Variants in ASIC2 observed in about 807,000 individuals in gnomAD.
The protein encoded by ASIC2 is acid-sensing ion channel 2.
Under a neutral mutation model 57.3 loss-of-function variants are expected in ASIC2, and 25 were observed. The ratio of observed to expected loss-of-function variants is 0.44; its 90% CI spans 0.32 to 0.61. ASIC2 has a LOEUF of 0.61. Among genes scored for constraint, ASIC2 ranks in the 20% least tolerant of loss-of-function variants. The pLI is 0.06. For synonymous variants in ASIC2, 319 were observed against 307.5 expected (o/e 1.04, Z -0.39); for missense variants, 641 against 738.1 (o/e 0.87, Z 1.52).
At chr17:33,479,214 G>T (rs1913324038) in intron 1 of ASIC2, among the ~76,000 whole-genome samples, 1 of 152,074 alleles carries the variant, frequency 6.6e-6, no homozygotes, top group Non-Finnish European at 1.5e-5. Context: ...GGTCAGGCTG[G>T]TCTCAAACTC....
At chr17:33,311,773 G>C (rs1370412026) in intron 1 of ASIC2, among the ~76,000 whole-genome samples, 1 of 152,072 alleles carries the variant, frequency 6.6e-6, no homozygotes, top group African/African-American at 2.4e-5. Flanking sequence ...TCATCCCTAG[G>C]CTTCTTTCTT....
chr17:33,346,502 G>A (rs1463563517), intron 1 of ASIC2, among the ~76,000 whole-genome samples: 1 of 151,846 alleles, frequency 6.6e-6, no homozygotes, highest in Non-Finnish European at 1.5e-5. Context: ...AAATGCGTGG[G>A]TATGCACACC....
intron 1 of ASIC2, chr17:34,001,029 T>A (rs1182281534): frequency 2.0e-5 from 3 of 152,240 alleles, no homozygotes; most frequent in Non-Finnish European, 4.4e-5. Context: ...TCACTAAGCT[T>A]CTTTAAGAGG....
At chr17:33,050,918 C>T (rs2091972856) in intron 3 of ASIC2, among the ~76,000 whole-genome samples, 1 of 152,094 alleles carries the variant, frequency 6.6e-6, no homozygotes, top group African/African-American at 2.4e-5. Flanking sequence ...ATTGTTATCC[C>T]TGCTATGCAG....
intron 2 of ASIC2, among the ~76,000 whole-genome samples, chr17:33,091,493 C>T (rs188885073): frequency 2.2e-4 from 33 of 152,050 alleles, no homozygotes; most frequent in Non-Finnish European, 4.0e-4. Flanking sequence ...ATCTTACAGC[C>T]AGTAAGACAG....
chr17:34,058,440 G>A (rs1908851081), intron 1 of ASIC2, among the ~76,000 whole-genome samples: 1 of 152,158 alleles, frequency 6.6e-6, no homozygotes, highest in Non-Finnish European at 1.5e-5. Context: ...TATCTCTGGT[G>A]GTCCTCATTC....
At chr17:33,133,200 G>A (rs905053634) in intron 1 of ASIC2, among the ~76,000 whole-genome samples, 1 of 152,228 alleles carries the variant, frequency 6.6e-6, no homozygotes, top group Admixed American at 6.5e-5. Context: ...GATGGAGAAG[G>A]AGCATTTCAG....
chr17:33,299,122 G>C (rs889185420), intron 1 of ASIC2, among the ~76,000 whole-genome samples: 1 of 152,210 alleles, frequency 6.6e-6, no homozygotes, highest in African/African-American at 2.4e-5. Context: ...AAAAGAGCCT[G>C]CATCCCAAGT....
chr17:33,778,722 C>T (rs1281656649), intron 1 of ASIC2, among the ~76,000 whole-genome samples: 1 of 152,166 alleles, frequency 6.6e-6, no homozygotes, highest in Non-Finnish European at 1.5e-5. Context: ...GCCTCGACGT[C>T]CTCTCCAAGA....
intron 1 of ASIC2, among the ~76,000 whole-genome samples, chr17:33,267,137 C>G (rs1909493995): frequency 6.6e-6 from 1 of 152,092 alleles, no homozygotes; most frequent in Non-Finnish European, 1.5e-5. Flanking sequence ...CTGGTGACAT[C>G]CTGGCAGGCC....
At chr17:33,103,414 G>A (rs1392632289) in intron 2 of ASIC2, among the ~76,000 whole-genome samples, 5 of 152,180 alleles carry the variant, frequency 3.3e-5, no homozygotes, top group African/African-American at 1.2e-4. Context: ...TTGAACCCAA[G>A]CAGCCTGGCT....
At chr17:33,469,324 G>T (rs1912965625) in intron 1 of ASIC2, among the ~76,000 whole-genome samples, 1 of 152,172 alleles carries the variant, frequency 6.6e-6, no homozygotes, top group Non-Finnish European at 1.5e-5. Flanking sequence ...GCCAACCCAA[G>T]GGCAGAGACC....
At chr17:34,135,550 A>T (rs1912102537) in intron 1 of ASIC2, among the ~76,000 whole-genome samples, 1 of 152,040 alleles carries the variant, frequency 6.6e-6, no homozygotes, top group South Asian at 2.1e-4. Context: ...AGACATCTGT[A>T]TTTTTTTACA....
intron 1 of ASIC2, among the ~76,000 whole-genome samples, chr17:34,025,596 T>G (rs1190458865): frequency 1.3e-5 from 2 of 152,208 alleles, no homozygotes; most frequent in African/African-American, 2.4e-5. Flanking sequence ...AAAAATGTGG[T>G]TTTTTTGCAT....
At chr17:33,454,349 C>T (rs1362643088) in intron 1 of ASIC2, among the ~76,000 whole-genome samples, 1 of 152,140 alleles carries the variant, frequency 6.6e-6, no homozygotes, top group South Asian at 2.1e-4. Flanking sequence ...AGCAGTTACA[C>T]CAAGGACTCA....
At chr17:33,444,766 C>G (rs1320088298) in intron 1 of ASIC2, among the ~76,000 whole-genome samples, 2 of 152,182 alleles carry the variant, frequency 1.3e-5, no homozygotes, top group Non-Finnish European at 2.9e-5. Context: ...AAGCAGTGAT[C>G]ACAGCTCACC....
intron 1 of ASIC2, among the ~76,000 whole-genome samples, chr17:33,187,318 AC>A (rs1348789027): frequency 6.6e-6 from 1 of 152,206 alleles, no homozygotes; most frequent in African/African-American, 2.4e-5. Context: ...CCTCTCACCA[AC>A]CAGCTAATGC....
At chr17:33,818,032 T>C (rs1178510707) in intron 1 of ASIC2, among the ~76,000 whole-genome samples, 1 of 152,330 alleles carries the variant, frequency 6.6e-6, no homozygotes, top group South Asian at 2.1e-4. Flanking sequence ...TGATAGAAGC[T>C]GCATCTTTTA....
intron 1 of ASIC2, among the ~76,000 whole-genome samples, chr17:34,087,399 C>G (rs370938365): frequency 4.6e-5 from 7 of 151,956 alleles, no homozygotes; most frequent in African/African-American, 1.7e-4. Context: ...GAGTTTCTGC[C>G]GAGAGATCAG....
Sources: allele counts gnomAD v4.1 joint callset (sites outside exome capture counted in the v4.1 genomes callset), GRCh38; gene constraint gnomAD v4.1.1; transcripts MANE v1.5; gene names NCBI Gene and HGNC (gene_info 2026-07-23, HGNC 2026-07-21).